DPYD: variants seen among roughly 807,000 people sequenced by gnomAD.
DPYD encodes the protein dihydropyrimidine dehydrogenase [NADP(+)].
In DPYD, 109 loss-of-function variants were observed where a neutral mutation model predicts 116.2. That is an observed-to-expected ratio of 0.94 (90% CI 0.80 to 1.10). The LOEUF is 1.10. DPYD is among the 50% of genes least tolerant of loss of function. The pLI, the probability that DPYD is intolerant of heterozygous loss-of-function variation, is 0.00. For missense variants in DPYD, 1,302 were observed against 1,254.5 expected, an observed-to-expected ratio of 1.04 and a Z score of -0.57; for synonymous variants, 440 against 432.0, an observed-to-expected ratio of 1.02 and a Z score of -0.23.
intron 16 of DPYD, among the ~76,000 whole-genome samples, chr1:97,320,031 AAT>A (rs1205973414): frequency 4.3e-5 from 6 of 140,808 alleles, no homozygotes; most frequent in Non-Finnish European, 1.6e-5. Flanking sequence ...AAAATTCAAC[AAT>A]GCTTCATGCT....
At chr1:97,647,691 A>G (rs1658348828) in intron 8 of DPYD, among the ~76,000 whole-genome samples, 1 of 152,054 alleles carries the variant, frequency 6.6e-6, no homozygotes, top group South Asian at 2.1e-4. Flanking sequence ...ACCATATTAT[A>G]TCTGCATAGT....
At chr1:97,828,327 G>A (rs982839626) in intron 2 of DPYD, 131 bp from the exon 3 acceptor site, 5 of 737,056 alleles carry the variant, frequency 6.8e-6, no homozygotes, top group Admixed American at 2.3e-5. Flanking sequence ...ACTTTAATTG[G>A]GTAGCATTCA....
At chr1:97,373,126 A>T (rs1671391668) in intron 16 of DPYD, among the ~76,000 whole-genome samples, 1 of 152,232 alleles carries the variant, frequency 6.6e-6, no homozygotes, top group Non-Finnish European at 1.5e-5. Flanking sequence ...ACAGTTAGTG[A>T]ATAATGATCG....
intron 8 of DPYD, among the ~76,000 whole-genome samples, chr1:97,637,203 CCA>C (rs1276900406): frequency 6.6e-6 from 1 of 151,996 alleles, no homozygotes; most frequent in Admixed American, 6.6e-5. Context: ...GAAGGAAAAA[CCA>C]CACACACCTC....
chr1:97,559,471 T>C (rs989051990), intron 11 of DPYD, among the ~76,000 whole-genome samples: 1 of 152,176 alleles, frequency 6.6e-6, no homozygotes, highest in African/African-American at 2.4e-5. Context: ...ATCCATGTAA[T>C]GTGTGTTCAA....
At chr1:97,562,447 T>C (rs1652217220) in intron 11 of DPYD, among the ~76,000 whole-genome samples, 1 of 152,102 alleles carries the variant, frequency 6.6e-6, no homozygotes, top group African/African-American at 2.4e-5. Context: ...GAAAAAATGG[T>C]CAGGTAAGTC....
intron 5 of DPYD, among the ~76,000 whole-genome samples, chr1:97,708,362 C>T (rs1243059428): frequency 6.6e-6 from 1 of 151,990 alleles, no homozygotes; most frequent in African/African-American, 2.4e-5. Flanking sequence ...CACTTTTTTA[C>T]ATATGGAAGT....
chr1:97,287,645 C>T (rs913042770), intron 18 of DPYD, among the ~76,000 whole-genome samples: 1 of 152,138 alleles, frequency 6.6e-6, no homozygotes, highest in Non-Finnish European at 1.5e-5. Flanking sequence ...GAGCACCCCT[C>T]CCCCAGCCTC....
intron 10 of DPYD, among the ~76,000 whole-genome samples, chr1:97,582,128 T>C (rs1284578091): frequency 1.3e-5 from 2 of 152,180 alleles, no homozygotes; most frequent in African/African-American, 4.8e-5. Flanking sequence ...TAAAGAGTAA[T>C]GCAAGTTACA....
intron 19 of DPYD, among the ~76,000 whole-genome samples, chr1:97,223,852 T>C (rs940158225): frequency 1.3e-5 from 2 of 152,058 alleles, no homozygotes; most frequent in African/African-American, 2.4e-5. Context: ...TCAAACTGTT[T>C]TGAAGGTGAA....
intron 8 of DPYD, among the ~76,000 whole-genome samples, chr1:97,598,317 T>A (rs2102269014): frequency 6.6e-6 from 1 of 152,318 alleles, no homozygotes; most frequent in East Asian, 1.9e-4. Flanking sequence ...AAATAAGGTA[T>A]GTGTCTATAC....
intron 8 of DPYD, among the ~76,000 whole-genome samples, chr1:97,673,891 G>GT (rs1449152792): frequency 2.0e-5 from 3 of 152,130 alleles, no homozygotes; most frequent in Admixed American, 1.3e-4. Context: ...AAAACTTGAG[G>GT]TTAAAAAACT....
At chr1:97,141,469 G>C (rs1654217820) in intron 20 of DPYD, among the ~76,000 whole-genome samples, 1 of 151,924 alleles carries the variant, frequency 6.6e-6, no homozygotes, top group Non-Finnish European at 1.5e-5. Flanking sequence ...CATCCACGAG[G>C]CTTATTTCTC....
intron 19 of DPYD, among the ~76,000 whole-genome samples, chr1:97,230,062 CA>C (rs913964564): frequency 1.3e-5 from 2 of 152,074 alleles, no homozygotes; most frequent in Non-Finnish European, 2.9e-5. Flanking sequence ...ATGGGGTAAC[CA>C]ATAGCTTATG....
chr1:97,231,866 C>T (rs1242536184), intron 19 of DPYD, among the ~76,000 whole-genome samples: 1 of 152,162 alleles, frequency 6.6e-6, no homozygotes, highest in African/African-American at 2.4e-5. Context: ...TGACAATGAG[C>T]AAGAGTCTCT....
chr1:97,580,806 A>G (rs1349881251), intron 10 of DPYD, among the ~76,000 whole-genome samples: 1 of 152,128 alleles, frequency 6.6e-6, no homozygotes, highest in African/African-American at 2.4e-5. Flanking sequence ...GAATCCTGTT[A>G]GATTGATTTA....
chr1:97,678,613 C>T (rs1660271205), intron 8 of DPYD, among the ~76,000 whole-genome samples: 1 of 152,118 alleles, frequency 6.6e-6, no homozygotes, highest in African/African-American at 2.4e-5. Flanking sequence ...AGGAGTAATA[C>T]ACTGTCTATG....
intron 20 of DPYD, among the ~76,000 whole-genome samples, chr1:97,112,327 T>C (rs1445493048): frequency 6.6e-6 from 1 of 152,150 alleles, no homozygotes; most frequent in African/African-American, 2.4e-5. Flanking sequence ...TTAGACTGCA[T>C]ACACTGTATA....
At chr1:97,650,747 C>A (rs1188215779) in intron 8 of DPYD, among the ~76,000 whole-genome samples, 4 of 152,052 alleles carry the variant, frequency 2.6e-5, no homozygotes, top group Non-Finnish European at 5.9e-5. Context: ...TTTATTTTCA[C>A]ATTCTTTATC....
Sources: allele counts gnomAD v4.1 joint callset (sites outside exome capture counted in the v4.1 genomes callset), GRCh38; gene constraint gnomAD v4.1.1; transcripts MANE v1.5; gene names NCBI Gene and HGNC (gene_info 2026-07-23, HGNC 2026-07-21).